Variants in E4F1 observed in about 807,000 individuals in gnomAD.
E4F1 encodes E4F transcription factor 1.
A neutral mutation model predicts 72.9 loss-of-function variants in E4F1; 30 were observed. The ratio of observed to expected loss-of-function variants is 0.41; its 90% CI spans 0.31 to 0.56. E4F1 has a LOEUF of 0.56. Among genes scored for constraint, E4F1 ranks in the 20% least tolerant of loss-of-function variants. The probability of loss-of-function intolerance (pLI) is 0.25; values close to 1 mark genes in which losing one functional copy is unlikely to be tolerated. For synonymous variants in E4F1, 542 were observed against 478.2 expected, an observed-to-expected ratio of 1.13 and a Z score of -1.74; for missense variants, 1,091 against 1,117.5, an observed-to-expected ratio of 0.98 and a Z score of 0.34.
At chr16:2,228,584 C>G (rs549478822) in intron 2 of E4F1, 61 bp downstream of exon 2, 116 of 1,571,364 alleles carry the variant, frequency 7.4e-5, no homozygotes, top group Non-Finnish European at 9.5e-5. Flanking sequence ...GGGGAGGTGG[C>G]CGCGCTTCAG....
chr16:2,224,489 A>G (rs531567346), intron 1 of E4F1, among the ~76,000 whole-genome samples: 1 of 152,280 alleles, frequency 6.6e-6, no homozygotes, highest in South Asian at 2.1e-4. Context: ...AAGGTTGGAG[A>G]CCTGAAAGTG....
chr16:2,226,265 C>T (rs1184026150), intron 1 of E4F1, among the ~76,000 whole-genome samples: 1 of 152,184 alleles, frequency 6.6e-6, no homozygotes, highest in East Asian at 1.9e-4. Flanking sequence ...CGAGGAGTCC[C>T]TTTAGAGGTT....
At position 2,223,750 on chromosome 16, in the gene E4F1, C is replaced by T. The variant is rs2093413132; in HGVS notation, c.137C>T (p.Pro46Leu). The T allele has an allele frequency of 6.5e-7, 1 of 1,532,748 alleles. No homozygotes were observed. Among genetic ancestry groups the T allele is most frequent in the Non-Finnish European group, 8.7e-7 (1 of 1,151,146 alleles). The allele number at this position is 1,532,748 out of a possible 1,614,324, so 94.9% of individuals were successfully genotyped here. A position where few individuals can be genotyped will look rare whatever the true frequency, so the allele number is the denominator to read the frequency against. The change falls in exon 1 of 14, where the codon CCG becomes CTG. Residue 46 changes from proline (P) to leucine (L), a missense_variant. Around this residue, in one of 5 missense-constraint regions of E4F1, gnomAD observed 362 missense variants for 358.6 expected, o/e 1.01. Transcript: ENST00000301727. Reference protein sequence around the residue: ...ALAPSGFLGLPAPFSEEDEDD... With the variant: ...ALAPSGFLGLLAPFSEEDEDD... ...GCCCCCAGCGGCTTCCTCGGCCTCC[C>T]GGCGCCCTTCAGCGAGGAAGGTAAC...
chr16:2,225,622 G>A (rs1386242510), intron 1 of E4F1, among the ~76,000 whole-genome samples: 3 of 151,246 alleles, frequency 2.0e-5, no homozygotes, highest in East Asian at 2.0e-4. Flanking sequence ...TACGGCACGC[G>A]GCATCACACC....
chr16:2,226,005 A>G (rs2093430250), intron 1 of E4F1, among the ~76,000 whole-genome samples: 1 of 151,930 alleles, frequency 6.6e-6, no homozygotes, highest in African/African-American at 2.4e-5. Context: ...AGGCAGGAGA[A>G]TGGCATGAGC....
chr16:2,223,858 C>G, intron 1 of E4F1, 88 bp downstream of exon 1: 3 of 1,531,210 alleles, frequency 2.0e-6, no homozygotes, highest in Non-Finnish European at 2.6e-6. Context: ...GCTGCGGGCT[C>G]GACCGACCCT....
intron 1 of E4F1, chr16:2,224,075 C>A: frequency 2.1e-6 from 2 of 960,006 alleles, no homozygotes; most frequent in Non-Finnish European, 1.4e-6. Context: ...CCCTTCTCTG[C>A]CTCCGATGCC....
intron 1 of E4F1, among the ~76,000 whole-genome samples, chr16:2,227,381 GT>G (rs1160417343): frequency 2.0e-5 from 3 of 151,200 alleles, no homozygotes; most frequent in East Asian, 2.0e-4. Flanking sequence ...GGCTAATATT[GT>G]TTTTTTTGAA....
rs761940497 is a variant in E4F1, at chr16:2,228,484, G to C, written c.270G>C (p.Leu90=). 1.9e-6 allele frequency: 3 copies of C among 1,612,916 alleles called. No individual in the cohort carries two copies. Among genetic ancestry groups the C allele is most frequent in the Non-Finnish European group, 2.5e-6 (3 of 1,179,910 alleles). Residue 90 remains leucine (L), a synonymous_variant, in exon 2 of 14, where the codon CTG becomes CTC. Transcript: ENST00000301727. ...KACQRAPPEA[L]PATPATTALL... ...GCCAGCGGGCCCCTCCGGAGGCCCT[G>C]CCTGCCACCCCTGCCACCACAGCGT...
intron 1 of E4F1, among the ~76,000 whole-genome samples, chr16:2,225,258 G>A (rs2093424465): frequency 6.6e-6 from 1 of 152,058 alleles, no homozygotes; most frequent in South Asian, 2.1e-4. Context: ...CAGTGTTGGG[G>A]ATGCACTAAG....
At chr16:2,223,979 CCT>C (rs1252411094) in intron 1 of E4F1, 6 of 1,504,668 alleles carry the variant, frequency 4.0e-6, no homozygotes, top group Non-Finnish European at 5.3e-6. Flanking sequence ...TGTCATCCCC[CCT>C]CTCTGGTGTG....
At position 2,235,566 on chromosome 16, in the gene E4F1, C is replaced by A; in HGVS notation, c.2349C>A (p.Ile783=). The A allele has an allele frequency of 6.3e-7, 1 of 1,592,854 alleles. No individual in the cohort carries two copies. ...PEGQLEVQTV[I]V The stretch of plus-strand genomic sequence containing the variant: ...GCCAGCTGGAGGTGCAGACGGTCAT[C>A]GTCTAGCATGAGGTCTGCGGGGTCC... Residue 783 remains isoleucine (I), a synonymous_variant, in exon 14 of 14, where the codon ATC becomes ATA. Coordinates refer to ENST00000301727, the MANE Select transcript of E4F1 (RefSeq NM_004424.5).
At chr16:2,224,232 T>C (rs1359736194) in intron 1 of E4F1, among the ~76,000 whole-genome samples, 1 of 152,208 alleles carries the variant, frequency 6.6e-6, no homozygotes, top group Admixed American at 6.5e-5. Flanking sequence ...CAGAGCCTAG[T>C]GCAAGAGGGC....
intron 1 of E4F1, among the ~76,000 whole-genome samples, chr16:2,225,199 C>G (rs2093424131): frequency 6.6e-6 from 1 of 152,044 alleles, no homozygotes; most frequent in African/African-American, 2.4e-5. Flanking sequence ...GGTGACAGAG[C>G]AAGACTGTCT....
rs755148355 is a variant in E4F1, at chr16:2,233,969, G to A, written c.1354G>A (p.Ala452Thr). Residue 452 changes from alanine (A) to threonine (T), a missense_variant, in exon 9 of 14, where the codon GCC becomes ACC. Coordinates refer to ENST00000301727, the MANE Select transcript of E4F1 (RefSeq NM_004424.5). ...ETFPTAATLE[A>T]HKRGHTGPRP... ...CTTCCCGACAGCAGCCACCCTGGAGGCCCACAAGAGGGGCCACACCGGTAG... is the reference window on the plus strand; with the variant it reads ...CTTCCCGACAGCAGCCACCCTGGAGACCCACAAGAGGGGCCACACCGGTAG... 4 of 1,597,064 alleles carry A rather than the reference G, an allele frequency of 2.5e-6. No homozygotes were observed. In the South Asian group the frequency reaches 3.4e-5, roughly 13 times the overall value.
chr16:2,223,766 G>A lies in E4F1; in HGVS notation c.153G>A (p.Glu51=). 6.5e-7 allele frequency: 1 copy of A among 1,536,266 alleles called. No individual in the cohort carries two copies. Among genetic ancestry groups the A allele is most frequent in the Non-Finnish European group, 8.7e-7 (1 of 1,152,114 alleles). The part of the protein sequence containing the change: ...GFLGLPAPFS[E]EDEDDVHRCG... ...TCGGCCTCCCGGCGCCCTTCAGCGA[G>A]GAAGGTAACCGGGCCGACCCGGAGG... The change falls in exon 1 of 14, where the codon GAG becomes GAA. Residue 51 remains glutamate (E), a synonymous_variant. Coordinates refer to ENST00000301727, the MANE Select transcript of E4F1 (RefSeq NM_004424.5).
chr16:2,233,470 C>G lies in E4F1; in HGVS notation c.1089C>G (p.Ser363Arg). 6.6e-7 allele frequency: 1 copy of G among 1,505,134 alleles called. No homozygotes were observed. The highest frequency in any genetic ancestry group is 8.8e-7 in the Non-Finnish European group (1 of 1,130,964). 93.2% of individuals were successfully genotyped at this position (1,505,134 alleles called of 1,614,324 possible). ...TCTCCCAGGAGCTCCCCTGCTCCAG[C>G]GAGGGCAGCCGTGAGAACCTGCTGC... is the stretch of plus-strand genomic sequence containing the variant. ...PPVSQELPCS[S>R]EGSRENLLHQ... is the part of the protein sequence containing the mutation. The change falls in exon 8 of 14, where the codon AGC becomes AGG. Residue 363 changes from serine to arginine, a missense_variant. Coordinates refer to ENST00000301727, the MANE Select transcript of E4F1 (RefSeq NM_004424.5).
In E4F1 at chr16:2,235,583, G is replaced by T. The variant is rs762559737; in HGVS notation, c.*11G>T. 8.3e-6 allele frequency: 13 copies of T among 1,574,014 alleles called. No homozygotes were observed. The highest frequency in any genetic ancestry group is 1.8e-4 in the Middle Eastern group (1 of 5,590). On this transcript the variant is annotated 3_prime_UTR_variant, in exon 14 of 14. Coordinates refer to ENST00000301727, the MANE Select transcript of E4F1 (RefSeq NM_004424.5). The stretch of plus-strand genomic sequence containing the variant: ...ACGGTCATCGTCTAGCATGAGGTCT[G>T]CGGGGTCCTGGCCGGGCAGGGACAG...
At chr16:2,231,904 G>T (rs2093469764) in intron 3 of E4F1, 2 of 480,730 alleles carry the variant, frequency 4.2e-6, no homozygotes, top group Non-Finnish European at 7.4e-6. Flanking sequence ...TGTGCTCCAT[G>T]GTGGGTCTCC....
Sources: gnomAD v4.1 joint callset for allele counts (sites outside exome capture counted in the v4.1 genomes callset) on GRCh38, gnomAD v4.1.1 for gene constraint, gnomAD v4.1.1 regional missense constraint, MANE v1.5 for transcripts, NCBI Gene and HGNC (gene_info 2026-07-23, HGNC 2026-07-21) for gene names.